Variants in GPI observed in about 807,000 individuals in gnomAD.
GPI encodes glucose-6-phosphate isomerase.
Under a neutral mutation model 75.8 loss-of-function variants are expected in GPI, and 56 were observed. The observed-to-expected ratio is 0.74, with a 90% CI of 0.60 to 0.92. The LOEUF is 0.92. GPI is among the 40% of genes least tolerant of loss of function. The pLI is 0.00. For synonymous variants in GPI, 288 were observed against 285.4 expected, an observed-to-expected ratio of 1.01 and a Z score of -0.09; for missense variants, 638 against 741.0, an observed-to-expected ratio of 0.86 and a Z score of 1.61.
chr19:34,365,137 C>CCGGGA, upstream of GPI: 1 of 1,216,370 alleles, frequency 8.2e-7, no homozygotes. Context: ...AGGGGTGGGG[C>CCGGGA]CGGGCCGGGC....
intron 4 of GPI, among the ~76,000 whole-genome samples, chr19:34,370,083 G>T (rs1238702077): frequency 6.6e-6 from 1 of 152,214 alleles, no homozygotes; most frequent in Non-Finnish European, 1.5e-5. Context: ...CCACCTGGAA[G>T]TATGTAAGCA....
intron 5 of GPI, 23 bp from the exon 6 acceptor site, chr19:34,377,712 T>A (rs199676097): frequency 6.2e-7 from 1 of 1,613,618 alleles, no homozygotes; most frequent in Non-Finnish European, 8.5e-7. Context: ...ATTCTTATTC[T>A]CTGATGCTAT....
chr19:34,393,886 G>T lies in GPI; in HGVS notation c.910-28G>T. On this transcript the variant is annotated intron_variant, in intron 11 of 17. Transcript: ENST00000356487. This position sits in a 1 kb window ranked among gnomAD's most constrained non-coding sequence, Gnocchi z 4.4. ...CCTCCCCTCCCCGTGCAGCTGCTCA[G>T]CTCCCACTCATCCTGCTCCTGTTTC... The T allele has an allele frequency of 6.2e-7, 1 of 1,612,964 alleles. No individual in the cohort carries two copies. The highest frequency in any genetic ancestry group is 8.5e-7 in the Non-Finnish European group (1 of 1,179,674).
In GPI at chr19:34,399,307, A is replaced by G; in HGVS notation, c.1370A>G (p.Glu457Gly). Reference sequence around the variant, plus strand: ...CTCCAGGCTGCGGGCAAGAGTCCAGAGGACCTTGAGAGGCTGCTGCCACAT... The same window carrying G: ...CTCCAGGCTGCGGGCAAGAGTCCAGGGGACCTTGAGAGGCTGCTGCCACAT... ...KELQAAGKSP[E>G]DLERLLPHKV... The change falls in exon 15 of 18, where the codon GAG becomes GGG. Residue 457 changes from glutamate (E) to glycine (G), a missense_variant. Glu to Gly is a moderately conservative substitution (Grantham distance 98, BLOSUM62 -2). Coordinates refer to ENST00000356487, the MANE Select transcript of GPI (RefSeq NM_000175.5). 6.2e-7 allele frequency: 1 copy of G among 1,614,168 alleles called. No homozygotes were observed. The highest frequency in any genetic ancestry group is 2.2e-5 in the East Asian group (1 of 44,870).
In GPI at chr19:34,394,951, C is replaced by T. The variant is rs373388932; in HGVS notation, c.1062+885C>T. ...CTGGTTTCGAACTCCTGGCCTCAAGCGATCCACCTGCCTTGGCCTCCCAAA... is the reference window on the plus strand; with the variant it reads ...CTGGTTTCGAACTCCTGGCCTCAAGTGATCCACCTGCCTTGGCCTCCCAAA... On this transcript the variant is annotated intron_variant, in intron 12 of 17. Transcript: ENST00000356487. Among the ~76,000 whole-genome samples, 589 of 152,130 alleles carry T rather than the reference C, an allele frequency of 3.9e-3. 3 individuals are homozygous for T. Among genetic ancestry groups the T allele is most frequent in the African/African-American group, 0.013 (558 of 41,526 alleles).
rs2074907513 is a variant in GPI at position 34,393,982 on chromosome 19, G to T, written c.978G>T (p.Trp326Cys). 7 of 1,613,494 alleles carry T rather than the reference G, an allele frequency of 4.3e-6. No homozygotes were observed. The highest frequency in any genetic ancestry group is 5.9e-6 in the Non-Finnish European group (7 of 1,179,726). The change falls in exon 12 of 18, where the codon TGG (tryptophan) becomes TGT (cysteine). Residue 326 changes from tryptophan to cysteine, a missense_variant. Trp to Cys is a radical substitution (Grantham distance 215). Coordinates refer to ENST00000356487, the MANE Select transcript of GPI (RefSeq NM_000175.5). The surrounding 1 kb of genome is among the most constrained non-coding windows in gnomAD (Gnocchi z 4.4). ...TCTTGCTGGCCCTGCTGGGTATCTG[G>T]TACATCAACTGCTTTGGGTGTGAGA... The part of the protein sequence containing the change: ...APVLLALLGI[W>C]YINCFGCETH...
intron 3 of GPI, 119 bp from the exon 4 acceptor site, chr19:34,368,464 G>A: frequency 3.8e-6 from 4 of 1,063,744 alleles, no homozygotes; most frequent in Non-Finnish European, 5.7e-6. Context: ...TGCTAACAGA[G>A]ACCTCAGGGC....
chr19:34,379,762 G>A, intron 8 of GPI, 200 bp downstream of exon 8: 1 of 677,422 alleles, frequency 1.5e-6, no homozygotes, highest in Middle Eastern at 3.8e-4. Context: ...TTTGAGGAGG[G>A]AGGCTTGGAG....
chr19:34,363,115 T>C (rs566696051), upstream of GPI, among the ~76,000 whole-genome samples: 2 of 152,186 alleles, frequency 1.3e-5, no homozygotes, highest in African/African-American at 4.8e-5. Context: ...TGAAACCTCG[T>C]CTGTACAAAA....
At chr19:34,381,232 G>A in intron 8 of GPI, 1 of 598,330 alleles carries the variant, frequency 1.7e-6, no homozygotes, top group East Asian at 2.9e-5. Context: ...GGGCTTTGCA[G>A]GCACAACGTC....
intron 4 of GPI, among the ~76,000 whole-genome samples, chr19:34,371,275 A>G (rs1254239296): frequency 6.6e-6 from 1 of 152,248 alleles, no homozygotes; most frequent in Non-Finnish European, 1.5e-5. Flanking sequence ...TGTGCTCTCC[A>G]AAGTTTGCCA....
chr19:34,391,423 C>T (rs75511974), intron 9 of GPI, among the ~76,000 whole-genome samples: 2 of 1,176 alleles, frequency 1.7e-3, no homozygotes, highest in South Asian at 0.05. Context: ...TGAGGATCTG[C>T]GTCTGTCAAA....
intron 4 of GPI, among the ~76,000 whole-genome samples, chr19:34,369,319 G>GTAATTAC (rs1260420686): frequency 1.3e-5 from 2 of 152,082 alleles, no homozygotes; most frequent in Non-Finnish European, 2.9e-5. Context: ...TTACAGGCAT[G>GTAATTAC]AGCCACTGCG....
At chr19:34,391,488 T>G (rs1243972218) in intron 9 of GPI, among the ~76,000 whole-genome samples, 5 of 1,514 alleles carry the variant, frequency 3.3e-3, no homozygotes, top group African/African-American at 6.1e-3. Context: ...TCCAGTGACT[T>G]AGGAGGTACG....
At chr19:34,372,308 TTTCTG>T (rs2074466828) in intron 4 of GPI, among the ~76,000 whole-genome samples, 1 of 152,168 alleles carries the variant, frequency 6.6e-6, no homozygotes, top group African/African-American at 2.4e-5. Context: ...ATTTTATTTC[TTTCTG>T]TATTGATGGA....
chr19:34,394,283 G>A (rs546143190), intron 12 of GPI, among the ~76,000 whole-genome samples: 2 of 152,290 alleles, frequency 1.3e-5, no homozygotes, highest in African/African-American at 4.8e-5. Context: ...GGAGGGGCAT[G>A]ACTGGTGATC....
At chr19:34,377,906 C>A in intron 6 of GPI, 25 bp downstream of exon 6, 2 of 1,613,280 alleles carry the variant, frequency 1.2e-6, no homozygotes, top group Non-Finnish European at 1.7e-6. Flanking sequence ...AACTGCCCGG[C>A]CCCTGGCCCT....
chr19:34,369,337 G>A lies in GPI; in HGVS notation c.402+635G>A, dbSNP rs944183928. On this transcript the variant is annotated intron_variant, in intron 4 of 17. Coordinates refer to ENST00000356487, the MANE Select transcript of GPI (RefSeq NM_000175.5). The stretch of plus-strand genomic sequence containing the variant: ...CAGGCATGAGCCACTGCGCCTGGCC[G>A]GAAGGAGCTTTTTCTAATCTCTTTT... Among the ~76,000 whole-genome samples, 8 of 151,982 alleles carry A rather than the reference G, an allele frequency of 5.3e-5. No individual in the cohort carries two copies. In the East Asian group the frequency reaches 7.8e-4, roughly 15 times the overall value.
chr19:34,365,520 C>G (rs1248387426), intron 1 of GPI, 132 bp downstream of exon 1: 24 of 1,380,712 alleles, frequency 1.7e-5, no homozygotes, highest in Admixed American at 2.0e-5. Context: ...GGACTGGGGC[C>G]CAGGCCGAGT....
Sources: gnomAD v4.1 joint callset for allele counts (sites outside exome capture counted in the v4.1 genomes callset) on GRCh38, gnomAD v4.1.1 for gene constraint, Gnocchi (gnomAD v3.1) non-coding constraint, MANE v1.5 for transcripts, NCBI Gene and HGNC (gene_info 2026-07-23, HGNC 2026-07-21) for gene names.